The following SLC7A2 variants were observed in gnomAD, a reference collection of about 807,000 sequenced individuals.
SLC7A2 encodes the protein cationic amino acid transporter 2.
Under a neutral mutation model 58.9 loss-of-function variants are expected in SLC7A2, and 48 were observed. The ratio of observed to expected loss-of-function variants is 0.82; its 90% CI spans 0.65 to 1.04. SLC7A2 has a LOEUF of 1.04. Ranked by LOEUF, SLC7A2 falls within the 50% of genes least tolerant of loss-of-function variation. The pLI is 0.00. For synonymous variants in SLC7A2, 363 were observed against 314.5 expected (o/e 1.15, Z -1.63); for missense variants, 1,029 against 818.8 (o/e 1.26, Z -3.13).
Position 17,561,817 on chromosome 8 carries a change from G to C in SLC7A2, c.1505-127G>C, listed in dbSNP as rs553385268. 4 of 822,066 alleles carry C rather than the reference G, an allele frequency of 4.9e-6. No homozygotes were observed. The South Asian group carries it at 5.5e-5, about 11-fold the overall frequency. 50.9% of individuals were successfully genotyped at this position (822,066 alleles called of 1,614,324 possible). ...GAAAAAGAAGAAAGGGCAAGGCGAA[G>C]ACTCTTTGTATTTAGCCAAGTAGAT... On this transcript the variant is annotated intron_variant, in intron 10 of 12. Coordinates refer to ENST00000494857, the MANE Select transcript of SLC7A2 (RefSeq NM_001370338.1).
At position 17,508,307 on chromosome 8, in the gene SLC7A2, G is replaced by C. The variant is rs1800456169; in HGVS notation, c.-23+6005G>C. Among the ~76,000 whole-genome samples, 3 of 152,026 alleles carry C rather than the reference G, an allele frequency of 2.0e-5. No individual in the cohort carries two copies. In the South Asian group the frequency reaches 6.2e-4, roughly 31 times the overall value. On this transcript the variant is annotated intron_variant, in intron 2 of 12. Transcript: ENST00000494857. ...TTATTCTGGTCTTTTTTGCTACAGA[G>C]TACAAGAGAAATGTGAAGGACAAAC...
At chr8:17,540,249 T>G (rs138576266) in intron 2 of SLC7A2, among the ~76,000 whole-genome samples, 1 of 152,188 alleles carries the variant, frequency 6.6e-6, no homozygotes, top group African/African-American at 2.4e-5. Context: ...TAGTTCTGCA[T>G]TGTGGCTTTT....
chr8:17,562,877 A>C (rs1803085708), intron 11 of SLC7A2, among the ~76,000 whole-genome samples: 1 of 152,158 alleles, frequency 6.6e-6, no homozygotes, highest in South Asian at 2.1e-4. Context: ...GTGGTGCCTC[A>C]CACCTGTAAT....
intron 2 of SLC7A2, among the ~76,000 whole-genome samples, chr8:17,529,555 G>A (rs1259767956): frequency 6.8e-6 from 1 of 147,554 alleles, no homozygotes; most frequent in East Asian, 2.0e-4. Flanking sequence ...TTGAGAGATA[G>A]AGTCTTGCTC....
rs770978455 is a variant in SLC7A2, at chr8:17,554,588, C to T, written c.1084C>T (p.Arg362Cys). The T allele has an allele frequency of 5.0e-6, 8 of 1,607,934 alleles. No individual in the cohort carries two copies. The highest frequency in any genetic ancestry group is 6.8e-6 in the Non-Finnish European group (8 of 1,178,514). The change falls in exon 8 of 13, where the codon CGT becomes TGT. Residue 362 changes from arginine to cysteine, a missense_variant. Coordinates refer to ENST00000494857, the MANE Select transcript of SLC7A2 (RefSeq NM_001370338.1). ...TCTTGGATCCATTTTCCCAATGCCT[C>T]GTGTAATCTATGCTATGGCGGAGGA... ...SLLGSIFPMP[R>C]VIYAMAEDGL...
At position 17,503,346 on chromosome 8, in the gene SLC7A2, G is replaced by A. The variant is rs1469794279; in HGVS notation, c.-23+1044G>A. 3.3e-5 allele frequency among the ~76,000 whole-genome samples: 5 copies of A among 152,204 alleles called. No individual in the cohort carries two copies. In the East Asian group the frequency reaches 7.7e-4, roughly 24 times the overall value. On this transcript the variant is annotated intron_variant, in intron 2 of 12. Transcript: ENST00000494857. ...ATTACAGGTGTGAGCCACCGCGCCC[G>A]GCTGAAAACATCTTTATTGAAAAAA...
chr8:17,516,751 T>G (rs1800819333), intron 2 of SLC7A2, among the ~76,000 whole-genome samples: 2 of 152,340 alleles, frequency 1.3e-5, no homozygotes, highest in South Asian at 4.1e-4. Context: ...GACTCTTCAC[T>G]GAACTTAACT....
At chr8:17,535,329 G>A (rs1801618537) in intron 2 of SLC7A2, among the ~76,000 whole-genome samples, 1 of 151,632 alleles carries the variant, frequency 6.6e-6, no homozygotes, top group African/African-American at 2.4e-5. Context: ...GCTTTCAGAT[G>A]GCTAAATTTA....
intron 8 of SLC7A2, 80 bp from the exon 9 acceptor site, chr8:17,558,215 G>A: frequency 1.2e-6 from 1 of 841,738 alleles, no homozygotes; most frequent in Non-Finnish European, 2.0e-6. Flanking sequence ...GCAGTCAGAT[G>A]TCCCTGACTT....
chr8:17,517,919 G>C (rs1204767426), intron 2 of SLC7A2, among the ~76,000 whole-genome samples: 1 of 152,210 alleles, frequency 6.6e-6, no homozygotes, highest in Non-Finnish European at 1.5e-5. Context: ...GAGCCACACA[G>C]ACCTTAGGTT....
At chr8:17,495,438 T>C (rs1175002442), upstream of SLC7A2, among the ~76,000 whole-genome samples, 4 of 152,230 alleles carry the variant, frequency 2.6e-5, no homozygotes, top group East Asian at 5.8e-4. Flanking sequence ...AAGGAATCTT[T>C]TTTTGACTGT....
At chr8:17,500,340 C>T (rs1031519769) in intron 1 of SLC7A2, 1 of 152,156 alleles carries the variant, frequency 6.6e-6, no homozygotes, top group Non-Finnish European at 1.5e-5. Context: ...TGTCCGCATT[C>T]CTCTTATATT....
At chr8:17,523,760 G>T (rs1322044578) in intron 2 of SLC7A2, among the ~76,000 whole-genome samples, 1 of 152,108 alleles carries the variant, frequency 6.6e-6, no homozygotes, top group Non-Finnish European at 1.5e-5. Context: ...AAGATAACTA[G>T]ATGGACTTAA....
At chr8:17,525,775 T>C (rs1198160986) in intron 2 of SLC7A2, among the ~76,000 whole-genome samples, 1 of 152,218 alleles carries the variant, frequency 6.6e-6, no homozygotes, top group Non-Finnish European at 1.5e-5. Context: ...AGCACATTCC[T>C]GCAAGCGGGA....
chr8:17,524,963 T>TG (rs1274683219), intron 2 of SLC7A2, among the ~76,000 whole-genome samples: 1 of 152,080 alleles, frequency 6.6e-6, no homozygotes, highest in African/African-American at 2.4e-5. Context: ...AATTTTTGAC[T>TG]GGGGCAAGGG....
At position 17,560,495 on chromosome 8, in the gene SLC7A2, A is replaced by C; in HGVS notation, c.1466A>C (p.Gln489Pro). 1 of 1,613,966 alleles carries C rather than the reference A, an allele frequency of 6.2e-7. No homozygotes were observed. Among genetic ancestry groups the C allele is most frequent in the South Asian group, 1.1e-5 (1 of 91,074 alleles). Residue 489 changes from glutamine (Q) to proline (P), a missense_variant, in exon 10 of 13, where the codon CAG becomes CCG. Transcript: ENST00000494857. ...LFCPSLLPTQ[Q>P]SASLVSFLVG... The stretch of plus-strand genomic sequence containing the variant: ...TGCCCCTCCCTTCTGCCAACACAGC[A>C]GTCAGCTTCTCTCGTGAGCTTTCTG...
At chr8:17,552,060 T>C in intron 7 of SLC7A2, 74 bp downstream of exon 7, 1 of 1,213,294 alleles carries the variant, frequency 8.2e-7, no homozygotes, top group Non-Finnish European at 1.2e-6. Flanking sequence ...AATTTGCTTT[T>C]GTCTGTTTAA....
At position 17,560,474 on chromosome 8, in the gene SLC7A2, C is replaced by A; in HGVS notation, c.1445C>A (p.Pro482His). The A allele has an allele frequency of 6.2e-7, 1 of 1,613,956 alleles. No homozygotes were observed. The highest frequency in any genetic ancestry group is 8.5e-7 in the Non-Finnish European group (1 of 1,179,910). The change falls in exon 10 of 13, where the codon CCC becomes CAC. Residue 482 changes from proline to histidine, a missense_variant. Coordinates refer to ENST00000494857, the MANE Select transcript of SLC7A2 (RefSeq NM_001370338.1). Reference sequence around the variant, plus strand: ...TTCAGCATGCGGACCCTCTTCTGCCCCTCCCTTCTGCCAACACAGCAGTCA... The same window carrying A: ...TTCAGCATGCGGACCCTCTTCTGCCACTCCCTTCTGCCAACACAGCAGTCA... The part of the protein sequence containing the change: ...QGFSMRTLFC[P>H]SLLPTQQSAS...
At chr8:17,515,111 C>G (rs1351482526) in intron 2 of SLC7A2, among the ~76,000 whole-genome samples, 1 of 152,160 alleles carries the variant, frequency 6.6e-6, no homozygotes, top group African/African-American at 2.4e-5. Flanking sequence ...TTTGTTGCAT[C>G]AGATGAACCT....
Sources: allele counts gnomAD v4.1 joint callset (sites outside exome capture counted in the v4.1 genomes callset), GRCh38; gene constraint gnomAD v4.1.1; transcripts MANE v1.5; gene names NCBI Gene and HGNC (gene_info 2026-07-23, HGNC 2026-07-21).